Variants in CFAP43 observed in about 807,000 individuals in gnomAD.
CFAP43 encodes the protein cilia- and flagella-associated protein 43.
Under a neutral mutation model 218.9 loss-of-function variants are expected in CFAP43, and 155 were observed. The ratio of observed to expected loss-of-function variants is 0.71; its 90% CI spans 0.62 to 0.81. The LOEUF (loss-of-function observed/expected upper bound fraction) is 0.81. Among genes scored for constraint, CFAP43 ranks in the 30% least tolerant of loss-of-function variants. The pLI is 0.00. For synonymous variants in CFAP43, 645 were observed against 681.3 expected (o/e 0.95, Z 0.83); for missense variants, 1,778 against 1,954.3 (o/e 0.91, Z 1.70).
chr10:104,231,001 G>A (rs2091436177), intron 1 of CFAP43, among the ~76,000 whole-genome samples, 158 bp from the exon 2 acceptor site: 1 of 152,028 alleles, frequency 6.6e-6, no homozygotes. Flanking sequence ...CTGGCTGTGA[G>A]ATCCATTTGA....
chr10:104,227,046 A>AT (rs1408646749), intron 2 of CFAP43, among the ~76,000 whole-genome samples: 1 of 152,096 alleles, frequency 6.6e-6, no homozygotes, highest in Non-Finnish European at 1.5e-5. Context: ...ATGATAATCC[A>AT]TTTTTAAATG....
chr10:104,176,606 T>C (rs1363806449), intron 19 of CFAP43, among the ~76,000 whole-genome samples: 1 of 152,154 alleles, frequency 6.6e-6, no homozygotes, highest in Non-Finnish European at 1.5e-5. Flanking sequence ...TGCATGAAGT[T>C]CCACCTAATA....
chr10:104,145,659 GT>G, intron 30 of CFAP43, 95 bp from the exon 31 acceptor site: 1 of 735,942 alleles, frequency 1.4e-6, no homozygotes, highest in Non-Finnish European at 2.2e-6. Context: ...TAGCACTTTG[GT>G]TTTAAAAATG....
At chr10:104,182,321 A>T in intron 17 of CFAP43, 45 bp downstream of exon 17, 1 of 1,481,184 alleles carries the variant, frequency 6.8e-7, no homozygotes, top group Non-Finnish European at 8.9e-7. Context: ...CTGATTTACA[A>T]AGAAAGAAAT....
In CFAP43 at chr10:104,187,505, G is replaced by C; in HGVS notation, c.1688-13C>G. ...AAGGTTGTGGAAACTATTAGATTTG[G>C]AAAAAGAAGAGAAATCACTTGTACC... On this transcript the variant is annotated splice_polypyrimidine_tract_variant and intron_variant, in intron 13 of 37. Coordinates refer to ENST00000357060, the MANE Select transcript of CFAP43 (RefSeq NM_025145.7). 6.6e-7 allele frequency: 1 copy of C among 1,520,566 alleles called. No individual in the cohort carries two copies. The highest frequency in any genetic ancestry group is 8.8e-7 in the Non-Finnish European group (1 of 1,137,626). 94.2% of individuals were successfully genotyped at this position (1,520,566 alleles called of 1,614,324 possible).
chr10:104,214,135 GTA>G, intron 4 of CFAP43, 122 bp downstream of exon 4: 1 of 815,024 alleles, frequency 1.2e-6, no homozygotes, highest in South Asian at 3.2e-5. Flanking sequence ...GTATGTGTGT[GTA>G]TGTGTGTGTA....
intron 19 of CFAP43, among the ~76,000 whole-genome samples, chr10:104,175,088 CA>C (rs141434447): frequency 5.0e-4 from 72 of 142,994 alleles, no homozygotes; most frequent in Middle Eastern, 3.6e-3. Context: ...AACAAACAAA[CA>C]AAAAAAAACC....
rs2091387223 is a variant in CFAP43 at position 104,229,385 on chromosome 10, G to A, written c.319+1205C>T. On this transcript the variant is annotated intron_variant, in intron 2 of 37. Coordinates refer to ENST00000357060, the MANE Select transcript of CFAP43 (RefSeq NM_025145.7). ...AAGAGTCATTAGGCCGGGCACAGTGGCTCACGCCTGTAATCCCAGCACTTT... is the reference window on the plus strand; with the variant it reads ...AAGAGTCATTAGGCCGGGCACAGTGACTCACGCCTGTAATCCCAGCACTTT... Among the ~76,000 whole-genome samples the A allele has an allele frequency of 2.6e-5, 4 of 152,118 alleles. 1 individual carries two copies. The South Asian group carries it at 8.3e-4, about 32-fold the overall frequency.
intron 16 of CFAP43, among the ~76,000 whole-genome samples, chr10:104,184,459 T>C (rs929091978): frequency 2.2e-5 from 3 of 138,500 alleles, no homozygotes; most frequent in African/African-American, 8.3e-5. Flanking sequence ...ATATTAACTA[T>C]GTCTTTTTTT....
intron 16 of CFAP43, among the ~76,000 whole-genome samples, chr10:104,184,223 T>A (rs2089955466): frequency 6.6e-6 from 1 of 152,166 alleles, no homozygotes; most frequent in Admixed American, 6.5e-5. Flanking sequence ...ATAGTTTAAC[T>A]TGGAAGCAAG....
intron 12 of CFAP43, among the ~76,000 whole-genome samples, 190 bp downstream of exon 12, chr10:104,192,009 C>G (rs1451683764): frequency 6.6e-6 from 1 of 152,074 alleles, no homozygotes; most frequent in Non-Finnish European, 1.5e-5. Flanking sequence ...GCAGATAACT[C>G]TAATATTCCA....
chr10:104,146,237 T>C, intron 30 of CFAP43, 26 bp downstream of exon 30: 1 of 1,590,524 alleles, frequency 6.3e-7, no homozygotes, highest in Non-Finnish European at 8.6e-7. Context: ...ACTGCATTGT[T>C]GAGTGGGTAA....
At chr10:104,169,155 TGTG>T (rs2089304225) in intron 20 of CFAP43, among the ~76,000 whole-genome samples, 1 of 152,208 alleles carries the variant, frequency 6.6e-6, no homozygotes, top group African/African-American at 2.4e-5. Context: ...ATGGATGCAC[TGTG>T]GTGGTGAGCT....
At chr10:104,232,070 G>A in intron 1 of CFAP43, 112 bp downstream of exon 1, 1 of 1,268,182 alleles carries the variant, frequency 7.9e-7, no homozygotes, top group African/African-American at 1.5e-5. Context: ...GGAAGAGGTC[G>A]AAGCTGCGGG....
rs1360114710 is a variant in CFAP43 at position 104,167,855 on chromosome 10, G to A, written c.2692-118C>T. On this transcript the variant is annotated intron_variant, in intron 21 of 37. Transcript: ENST00000357060. ...TTAACCCATAGGTTATCATGTGTTAGTAAAATTGACAATGGAAACCTTTTT... is the reference window on the plus strand; with the variant it reads ...TTAACCCATAGGTTATCATGTGTTAATAAAATTGACAATGGAAACCTTTTT... 4.7e-6 allele frequency: 3 copies of A among 632,642 alleles called. No homozygotes were observed. In the African/African-American group the frequency reaches 5.6e-5, roughly 12 times the overall value. The allele number at this position is 632,642 out of a possible 1,614,324, so 39.2% of individuals were successfully genotyped here.
In CFAP43 at chr10:104,130,010, A is replaced by G. The variant is rs2087105431; in HGVS notation, c.*129T>C. ...TAAGGCTAAAATTAAACAATTTTTT[A>G]TCTAAAACATGCAACTCAGAGGACA... On this transcript the variant is annotated 3_prime_UTR_variant, in exon 38 of 38. Transcript: ENST00000357060. The G allele has an allele frequency of 8.7e-7, 1 of 1,150,916 alleles. No homozygotes were observed. The highest frequency in any genetic ancestry group is 2.0e-5 in the South Asian group (1 of 49,376). The allele number at this position is 1,150,916 out of a possible 1,614,324, so 71.3% of individuals were successfully genotyped here. A position where few individuals can be genotyped will look rare whatever the true frequency, so the allele number is the denominator to read the frequency against.
chr10:104,186,022 T>G lies in CFAP43; in HGVS notation c.1962A>C (p.Ile654=). 1 of 1,611,326 alleles carries G rather than the reference T, an allele frequency of 6.2e-7. No individual in the cohort carries two copies. The highest frequency in any genetic ancestry group is 8.5e-7 in the Non-Finnish European group (1 of 1,179,298). ...LYLSSHGLWL[I]TIAKCGILCI... ...ACAGAATTCCACATTTAGCTATTGT[T>G]ATGAGCCACAATCCATGTGAAGACA... Residue 654 remains isoleucine (I), a synonymous_variant, in exon 15 of 38, where the codon ATA becomes ATC. Coordinates refer to ENST00000357060, the MANE Select transcript of CFAP43 (RefSeq NM_025145.7).
At chr10:104,194,050 GTGC>G in intron 10 of CFAP43, 36 bp from the exon 11 acceptor site, 1 of 1,606,294 alleles carries the variant, frequency 6.2e-7, no homozygotes, top group East Asian at 2.2e-5. Context: ...TATCTCTATT[GTGC>G]CTGCTCTCCT....
At chr10:104,180,565 C>A (rs1215619318) in intron 17 of CFAP43, among the ~76,000 whole-genome samples, 1 of 151,858 alleles carries the variant, frequency 6.6e-6, no homozygotes, top group Non-Finnish European at 1.5e-5. Flanking sequence ...CCTGCCTCAG[C>A]CTCCTGAGTA....
Sources: gnomAD v4.1 joint callset for allele counts (sites outside exome capture counted in the v4.1 genomes callset) on GRCh38, gnomAD v4.1.1 for gene constraint, MANE v1.5 for transcripts, NCBI Gene and HGNC (gene_info 2026-07-23, HGNC 2026-07-21) for gene names.